The following SLC23A2 variants were observed in gnomAD, a reference collection of about 807,000 sequenced individuals.
The protein encoded by SLC23A2 is Na(+)/L-ascorbic acid transporter 2.
A neutral mutation model predicts 73.3 loss-of-function variants in SLC23A2; 36 were observed. The ratio of observed to expected loss-of-function variants is 0.49; its 90% CI spans 0.38 to 0.65. SLC23A2 has a LOEUF of 0.65. Ranked by LOEUF, SLC23A2 falls within the 30% of genes least tolerant of loss-of-function variation. The pLI, the probability that SLC23A2 is intolerant of heterozygous loss-of-function variation, is 0.00. For synonymous variants in SLC23A2, 343 were observed against 327.3 expected (o/e 1.05, Z -0.52); for missense variants, 507 against 841.6 (o/e 0.60, Z 4.92).
chr20:4,939,183 T>A (rs1474637945), intron 2 of SLC23A2, among the ~76,000 whole-genome samples: 1 of 152,224 alleles, frequency 6.6e-6, no homozygotes, highest in Non-Finnish European at 1.5e-5. Context: ...AGAAACAGTA[T>A]CACAGCCTCA....
chr20:5,003,966 C>G (rs975501864), upstream of SLC23A2, among the ~76,000 whole-genome samples: 5 of 152,080 alleles, frequency 3.3e-5, no homozygotes, highest in Non-Finnish European at 5.9e-5. Context: ...CCATACACCC[C>G]CCTTCCCTCT....
rs1002756922 is a variant in SLC23A2, at chr20:4,998,764, A to G, written c.-282+2642T>C. 6.6e-6 allele frequency among the ~76,000 whole-genome samples: 1 copy of G among 151,570 alleles called. No homozygotes were observed. Among genetic ancestry groups the G allele is most frequent in the South Asian group, 2.1e-4 (1 of 4,818 alleles). ...ACGTTTTTAAAAAGCTTCAATTTAC[A>G]TGTACAAAGCACCATATAATTTCAA... On this transcript the variant is annotated intron_variant, in intron 1 of 16. Coordinates refer to ENST00000338244, the MANE Select transcript of SLC23A2 (RefSeq NM_005116.6). This position sits in a 1 kb window ranked among gnomAD's most constrained non-coding sequence, Gnocchi z 4.1.
chr20:4,999,086 T>G (rs899483265), intron 1 of SLC23A2, among the ~76,000 whole-genome samples: 3 of 152,204 alleles, frequency 2.0e-5, no homozygotes, highest in Non-Finnish European at 2.9e-5. Flanking sequence ...ATTACAGGCA[T>G]GAGCCACCAT....
chr20:4,857,705 A>C lies in SLC23A2; in HGVS notation c.1721-501T>G, dbSNP rs1371958737. ...AAGCACTTTGGGAGGCCGAGGTGAG[A>C]GGATCACATGAAGTCAGGAGTTCGA... On this transcript the variant is annotated intron_variant, in intron 16 of 16. Transcript: ENST00000338244. The surrounding 1 kb of genome is among the most constrained non-coding windows in gnomAD (Gnocchi z 4.0). Among the ~76,000 whole-genome samples the C allele has an allele frequency of 6.6e-6, 1 of 152,078 alleles. No homozygotes were observed. Among genetic ancestry groups the C allele is most frequent in the East Asian group, 1.9e-4 (1 of 5,174 alleles).
At chr20:4,955,525 A>G (rs1209824671) in intron 2 of SLC23A2, among the ~76,000 whole-genome samples, 1 of 152,152 alleles carries the variant, frequency 6.6e-6, no homozygotes, top group East Asian at 1.9e-4. Context: ...GCGATGGCTC[A>G]TGCCTGTAAT....
chr20:4,973,480 A>G (rs2087596655), intron 1 of SLC23A2, among the ~76,000 whole-genome samples: 1 of 152,126 alleles, frequency 6.6e-6, no homozygotes, highest in Non-Finnish European at 1.5e-5. Context: ...ACTACTGCAC[A>G]GAACAAGTAC....
intron 3 of SLC23A2, among the ~76,000 whole-genome samples, chr20:4,923,428 G>C (rs1304586128): frequency 6.6e-6 from 1 of 152,106 alleles, no homozygotes; most frequent in Non-Finnish European, 1.5e-5. Context: ...ACAGAAAAGG[G>C]TGCTCATCTT....
chr20:4,858,250 C>G (rs1929817084), intron 16 of SLC23A2, among the ~76,000 whole-genome samples: 1 of 152,220 alleles, frequency 6.6e-6, no homozygotes, highest in African/African-American at 2.4e-5. Flanking sequence ...CCACTCTGCA[C>G]CCTGACAGAT....
chr20:4,921,119 C>T (rs1932487858), intron 3 of SLC23A2, among the ~76,000 whole-genome samples: 1 of 152,146 alleles, frequency 6.6e-6, no homozygotes, highest in Non-Finnish European at 1.5e-5. Context: ...ATCCAAAGTC[C>T]CAATGCAAGT....
Position 4,932,457 on chromosome 20 carries a change from G to C in SLC23A2, c.106C>G (p.Pro36Ala), listed in dbSNP as rs1390935080. The change falls in exon 3 of 17, where the codon CCG becomes GCG. Residue 36 changes from proline to alanine, a missense_variant and splice_region_variant. Pro to Ala is a conservative substitution (Grantham distance 27). Coordinates refer to ENST00000338244, the MANE Select transcript of SLC23A2 (RefSeq NM_005116.6). The stretch of plus-strand genomic sequence containing the variant: ...AGGAAGATGGGGAATATGATTACCG[G>C]AAGAGTGAAGAAAGCTGGGTGCTTT... ...EAKHPAFFTLPVVINGGATSS... is the reference protein window; with the variant it reads ...EAKHPAFFTLAVVINGGATSS... 1.3e-6 allele frequency: 2 copies of C among 1,516,188 alleles called. No individual in the cohort carries two copies. The highest frequency in any genetic ancestry group is 1.8e-6 in the Non-Finnish European group (2 of 1,090,426). 93.9% of individuals were successfully genotyped at this position (1,516,188 alleles called of 1,614,324 possible).
At chr20:4,889,533 T>A (rs572423321) in intron 6 of SLC23A2, among the ~76,000 whole-genome samples, 6 of 151,744 alleles carry the variant, frequency 4.0e-5, no homozygotes, top group African/African-American at 1.5e-4. Context: ...GACATCCCAA[T>A]AGGCTGTGGC....
intron 11 of SLC23A2, 123 bp from the exon 12 acceptor site, chr20:4,870,176 A>G: frequency 1.5e-5 from 12 of 800,354 alleles, no homozygotes; most frequent in Non-Finnish European, 9.8e-6. Context: ...TCTGAAGCTC[A>G]TGGAAACTGT....
intron 3 of SLC23A2, among the ~76,000 whole-genome samples, chr20:4,928,718 TA>T (rs1445600579): frequency 6.6e-6 from 1 of 152,230 alleles, no homozygotes; most frequent in Non-Finnish European, 1.5e-5. Context: ...ATAACATCCT[TA>T]ATTAAATGGC....
chr20:4,935,279 C>T (rs1600148748), intron 2 of SLC23A2, among the ~76,000 whole-genome samples: 3 of 150,528 alleles, frequency 2.0e-5, no homozygotes, highest in East Asian at 1.9e-4. Flanking sequence ...TTATCATTAA[C>T]AGTAAAAACT....
chr20:4,934,553 G>C (rs1173070302), intron 2 of SLC23A2, among the ~76,000 whole-genome samples: 1 of 152,076 alleles, frequency 6.6e-6, no homozygotes, highest in Non-Finnish European at 1.5e-5. Context: ...ACTTACTCCA[G>C]CTTGGTCATT....
At chr20:5,000,707 G>A (rs945607231) in intron 1 of SLC23A2, among the ~76,000 whole-genome samples, 1 of 152,104 alleles carries the variant, frequency 6.6e-6, no homozygotes, top group Admixed American at 6.5e-5. Flanking sequence ...ATCCAAGGGG[G>A]GGCATCTAGG....
At chr20:4,915,329 C>T (rs926579681) in intron 3 of SLC23A2, among the ~76,000 whole-genome samples, 4 of 152,082 alleles carry the variant, frequency 2.6e-5, no homozygotes, top group Non-Finnish European at 4.4e-5. Flanking sequence ...TATTTGTATA[C>T]TGCTTTTTTA....
intron 1 of SLC23A2, among the ~76,000 whole-genome samples, chr20:4,979,178 G>A (rs1468399081): frequency 3.3e-5 from 5 of 151,530 alleles, no homozygotes; most frequent in African/African-American, 7.3e-5. Flanking sequence ...CTGTAATCCC[G>A]GCTACTCAGA....
intron 1 of SLC23A2, among the ~76,000 whole-genome samples, chr20:4,978,781 C>A (rs2087683034): frequency 6.6e-6 from 1 of 152,122 alleles, no homozygotes; most frequent in Non-Finnish European, 1.5e-5. Context: ...CATTAAGCTC[C>A]CCTCCACAAC....
Sources: gnomAD v4.1 joint callset for allele counts (sites outside exome capture counted in the v4.1 genomes callset) on GRCh38, gnomAD v4.1.1 for gene constraint, Gnocchi (gnomAD v3.1) non-coding constraint, MANE v1.5 for transcripts, NCBI Gene and HGNC (gene_info 2026-07-23, HGNC 2026-07-21) for gene names.